SLC7A1: variants seen among roughly 807,000 people sequenced by gnomAD.
SLC7A1 encodes the protein high affinity cationic amino acid transporter 1.
In SLC7A1, 10 loss-of-function variants were observed where a neutral mutation model predicts 53.9. The ratio of observed to expected loss-of-function variants is 0.19; its 90% CI spans 0.11 to 0.31. The LOEUF (loss-of-function observed/expected upper bound fraction) is 0.31. Ranked by LOEUF, SLC7A1 falls within the 10% of genes least tolerant of loss-of-function variation. SLC7A1 has a pLI of 1.00. For missense variants in SLC7A1, 525 were observed against 827.2 expected, an observed-to-expected ratio of 0.63 and a Z score of 4.48; for synonymous variants, 342 against 338.7, an observed-to-expected ratio of 1.01 and a Z score of -0.11.
intron 7 of SLC7A1, 88 bp from the exon 8 acceptor site, chr13:29,522,544 G>A: frequency 6.8e-7 from 1 of 1,461,728 alleles, no homozygotes. Flanking sequence ...TTACCACGGA[G>A]GAGAGGGAGT....
In SLC7A1 at chr13:29,514,420, C is replaced by A; in HGVS notation, c.*60G>T. ...CACTGGTGGGGAGGGTGGGGTGCCT[C>A]CCGGTCCTCTGGGGGCGTCCCTCGG... On this transcript the variant is annotated 3_prime_UTR_variant, in exon 13 of 13. Coordinates refer to ENST00000380752, the MANE Select transcript of SLC7A1 (RefSeq NM_003045.5). 1 of 1,307,528 alleles carries A rather than the reference C, an allele frequency of 7.6e-7. No homozygotes were observed. Among genetic ancestry groups the A allele is most frequent in the Non-Finnish European group, 1.1e-6 (1 of 920,262 alleles). The allele number at this position is 1,307,528 out of a possible 1,614,324, so 81.0% of individuals were successfully genotyped here. A position where few individuals can be genotyped will look rare whatever the true frequency, so the allele number is the denominator to read the frequency against.
chr13:29,540,486 T>C (rs142907164), intron 2 of SLC7A1, among the ~76,000 whole-genome samples: 1 of 152,242 alleles, frequency 6.6e-6, no homozygotes, highest in African/African-American at 2.4e-5. Flanking sequence ...AGATAAAGAC[T>C]CTCTTATGTT....
At chr13:29,561,911 C>T (rs775789144) in intron 1 of SLC7A1, among the ~76,000 whole-genome samples, 14 of 152,346 alleles carry the variant, frequency 9.2e-5, no homozygotes, top group Middle Eastern at 3.4e-3. Context: ...ACCACAGAAA[C>T]GGGGGCATCC....
chr13:29,566,098 A>C (rs901867661), intron 1 of SLC7A1, among the ~76,000 whole-genome samples: 3 of 152,228 alleles, frequency 2.0e-5, no homozygotes, highest in African/African-American at 4.8e-5. Flanking sequence ...TTGTACAACA[A>C]TGTAAATGTA....
chr13:29,519,463 A>G lies in SLC7A1; in HGVS notation c.1276T>C (p.Cys426Arg). The change falls in exon 9 of 13, where the codon TGT becomes CGT. Residue 426 changes from cysteine (C) to arginine (R), a missense_variant. Physicochemically the swap from Cys to Arg is radical, Grantham distance 180 (BLOSUM62 -3). Transcript: ENST00000380752. ...TLLAYSLVAA[C>R]VLVLRYQPEQ... is the part of the protein sequence containing the mutation. ...CATACATACCGTAAGACCAACACAC[A>G]GGCAGCCACCAACGAGTAAGCCAGG... 6.2e-7 allele frequency: 1 copy of G among 1,610,696 alleles called. No homozygotes were observed. The highest frequency in any genetic ancestry group is 8.5e-7 in the Non-Finnish European group (1 of 1,177,000).
chr13:29,511,514 G>A lies in SLC7A1; in HGVS notation c.*2966C>T, dbSNP rs1403769031. 1.3e-5 allele frequency: 2 copies of A among 152,288 alleles called. No homozygotes were observed. Among genetic ancestry groups the A allele is most frequent in the African/African-American group, 4.8e-5 (2 of 41,456 alleles). 9.4% of individuals were successfully genotyped at this position (152,288 alleles called of 1,614,324 possible). A position where few individuals can be genotyped will look rare whatever the true frequency, so the allele number is the denominator to read the frequency against. On this transcript the variant is annotated 3_prime_UTR_variant, in exon 13 of 13. Coordinates refer to ENST00000380752, the MANE Select transcript of SLC7A1 (RefSeq NM_003045.5). ...GGTGTGTGAGCAGGGATGATAAGTAGAGTGGGGGGTGTGTAGAGGCCTGGT... is the reference window on the plus strand; with the variant it reads ...GGTGTGTGAGCAGGGATGATAAGTAAAGTGGGGGGTGTGTAGAGGCCTGGT...
At chr13:29,584,944 G>T (rs773985911) in intron 1 of SLC7A1, among the ~76,000 whole-genome samples, 1 of 152,042 alleles carries the variant, frequency 6.6e-6, no homozygotes, top group Non-Finnish European at 1.5e-5. Context: ...GTCGCATCAC[G>T]CTGAATAAAA....
At chr13:29,534,462 T>C (rs1045224135) in intron 3 of SLC7A1, among the ~76,000 whole-genome samples, 14 of 152,230 alleles carry the variant, frequency 9.2e-5, no homozygotes, top group African/African-American at 3.1e-4. Context: ...AGTTTTGATG[T>C]GGCATTGAAA....
intron 5 of SLC7A1, among the ~76,000 whole-genome samples, chr13:29,527,407 T>C (rs1593545053): frequency 1.3e-5 from 2 of 152,090 alleles, no homozygotes; most frequent in South Asian, 4.2e-4. Context: ...AGTGGCAGAG[T>C]ATCAACACAA....
intron 1 of SLC7A1, among the ~76,000 whole-genome samples, chr13:29,554,847 TATTTC>T (rs1870360015): frequency 6.6e-6 from 1 of 152,238 alleles, no homozygotes; most frequent in Non-Finnish European, 1.5e-5. Flanking sequence ...CCCACACTGA[TATTTC>T]ATTCCTTTTC....
At chr13:29,568,934 G>A (rs1252638489) in intron 1 of SLC7A1, among the ~76,000 whole-genome samples, 2 of 152,138 alleles carry the variant, frequency 1.3e-5, no homozygotes, top group Admixed American at 6.5e-5. Context: ...CTAAGCAAGC[G>A]AAGGAAGATT....
intron 2 of SLC7A1, among the ~76,000 whole-genome samples, chr13:29,545,752 C>T (rs557721581): frequency 2.6e-5 from 4 of 152,222 alleles, no homozygotes; most frequent in Non-Finnish European, 5.9e-5. Context: ...GCCACAGTCA[C>T]TGTAAGTACC....
chr13:29,593,102 A>G (rs982039080), intron 1 of SLC7A1, among the ~76,000 whole-genome samples: 1 of 152,208 alleles, frequency 6.6e-6, no homozygotes, highest in Non-Finnish European at 1.5e-5. Flanking sequence ...GGCCCCAAGA[A>G]GATACATCTT....
At chr13:29,554,373 A>G (rs1870339831) in intron 1 of SLC7A1, among the ~76,000 whole-genome samples, 1 of 152,154 alleles carries the variant, frequency 6.6e-6, no homozygotes, top group African/African-American at 2.4e-5. Flanking sequence ...TACTATTAAC[A>G]GCTGCCATGG....
At chr13:29,590,383 T>TACAC (rs1566280185) in intron 1 of SLC7A1, among the ~76,000 whole-genome samples, 3 of 151,992 alleles carry the variant, frequency 2.0e-5, no homozygotes, top group African/African-American at 7.3e-5. Flanking sequence ...CACACATACA[T>TACAC]ATACACATAC....
intron 1 of SLC7A1, among the ~76,000 whole-genome samples, chr13:29,591,475 C>G (rs921356882): frequency 6.6e-6 from 1 of 152,194 alleles, no homozygotes; most frequent in Non-Finnish European, 1.5e-5. Context: ...CCATACCGAG[C>G]AGAGGCCACT....
intron 2 of SLC7A1, among the ~76,000 whole-genome samples, chr13:29,540,108 G>A (rs551364322): frequency 3.9e-5 from 6 of 152,176 alleles, no homozygotes; most frequent in East Asian, 1.9e-4. Flanking sequence ...GAGGCTGCAC[G>A]AAGCTACTCC....
rs116681461 is a variant in SLC7A1, at chr13:29,515,272, C to T, written c.1787-689G>A. 5.0e-3 allele frequency among the ~76,000 whole-genome samples: 757 copies of T among 152,336 alleles called. 7 individuals carry two copies. The highest frequency in any genetic ancestry group is 0.016 in the African/African-American group (669 of 41,586). On this transcript the variant is annotated intron_variant, in intron 12 of 12. Transcript: ENST00000380752. ...CTTTGACAGGGATGCTGGGAAGAGG[C>T]GCCCCTCTGCCTTCACCAGGCCTGG...
chr13:29,586,873 G>A (rs1172716871), intron 1 of SLC7A1: 4 of 152,226 alleles, frequency 2.6e-5, no homozygotes, highest in Admixed American at 6.5e-5. Context: ...AGAACAATAC[G>A]TTTTCATTTC....
Sources: gnomAD v4.1 joint callset for allele counts (sites outside exome capture counted in the v4.1 genomes callset) on GRCh38, gnomAD v4.1.1 for gene constraint, MANE v1.5 for transcripts, NCBI Gene and HGNC (gene_info 2026-07-23, HGNC 2026-07-21) for gene names.